ANKRD30B: variants seen among roughly 807,000 people sequenced by gnomAD.
ANKRD30B encodes the protein ankyrin repeat domain 30B, also known as ankyrin repeat domain-containing protein 30B.
In ANKRD30B, 144 loss-of-function variants were observed where a neutral mutation model predicts 202.2. The observed-to-expected ratio is 0.71, with a 90% confidence interval of 0.62 to 0.82. ANKRD30B has a LOEUF of 0.82. Ranked by LOEUF, ANKRD30B falls within the 40% of genes least tolerant of loss-of-function variation. The pLI, the probability that ANKRD30B is intolerant of heterozygous loss-of-function variation, is 0.00. For missense variants in ANKRD30B, 1,487 were observed against 1,669.1 expected (o/e 0.89, Z 1.90); for synonymous variants, 508 against 561.3 (o/e 0.91, Z 1.34).
chr18:14,763,711 T>C lies in ANKRD30B; in HGVS notation c.846T>C (p.Asp282=). Residue 282 remains aspartate (D), a synonymous_variant, in exon 7 of 44, where the codon GAT becomes GAC. Transcript: ENST00000690538. The part of the protein sequence containing the change: ...NPEGTSTGTP[D]EAAPLAERTP... ...AAGGAACATCTACAGGAACACCTGA[T>C]GAGGCTGCACCCTTGGCGGAAAGAA... The C allele has an allele frequency of 3.1e-6, 5 of 1,613,996 alleles. No homozygotes were observed. Among genetic ancestry groups the C allele is most frequent in the Non-Finnish European group, 4.2e-6 (5 of 1,179,982 alleles).
the ANKRD30B span, among the ~76,000 whole-genome samples, chr18:14,890,316 A>G: frequency 1.3e-5 from 2 of 152,014 alleles, no homozygotes; most frequent in African/African-American, 2.4e-5. Flanking sequence ...TGTAGAAAAT[A>G]TGTCTGTATC....
the ANKRD30B span, among the ~76,000 whole-genome samples, chr18:14,926,141 C>A: frequency 6.6e-6 from 1 of 152,120 alleles, no homozygotes; most frequent in African/African-American, 2.4e-5. Flanking sequence ...GTGATCTCTG[C>A]GGCAGTTGGA....
In ANKRD30B at chr18:14,791,496, G is replaced by C. The variant is rs779207148; in HGVS notation, c.1825+5G>C. 1.2e-5 allele frequency: 20 copies of C among 1,600,304 alleles called. No homozygotes were observed. In the South Asian group the frequency reaches 2.1e-4, roughly 17 times the overall value. On this transcript the variant is annotated splice_donor_5th_base_variant and intron_variant, in intron 16 of 43. Coordinates refer to ENST00000690538, the MANE Select transcript of ANKRD30B (RefSeq NM_001367607.2). ...CCTTAAGTGGAAAATTAGAAGGTAA[G>C]AACCATTTTTTAATTAAAAAGTCAT...
chr18:14,903,910 G>A, the ANKRD30B span, among the ~76,000 whole-genome samples: 1 of 152,196 alleles, frequency 6.6e-6, no homozygotes, highest in South Asian at 2.1e-4. Context: ...ATTAGGACCA[G>A]ATACCTGTGT....
intron 33 of ANKRD30B, among the ~76,000 whole-genome samples, chr18:14,829,419 G>T (rs555411804): frequency 2.5e-4 from 38 of 152,210 alleles, no homozygotes; most frequent in African/African-American, 9.1e-4. Context: ...AAGGAAAAGG[G>T]GATGGATCTG....
At chr18:14,815,906 T>C (rs1248100181) in intron 30 of ANKRD30B, among the ~76,000 whole-genome samples, 1 of 152,168 alleles carries the variant, frequency 6.6e-6, no homozygotes, top group Non-Finnish European at 1.5e-5. Flanking sequence ...CATACCGTTA[T>C]GCCATATGGG....
chr18:14,805,213 T>A (rs1215618767), intron 24 of ANKRD30B, among the ~76,000 whole-genome samples: 3 of 151,030 alleles, frequency 2.0e-5, no homozygotes, highest in African/African-American at 7.3e-5. Flanking sequence ...TAACATGATA[T>A]ACCAAACCAG....
chr18:14,926,124 C>T, the ANKRD30B span, among the ~76,000 whole-genome samples: 20 of 152,318 alleles, frequency 1.3e-4, no homozygotes, highest in African/African-American at 4.6e-4. Flanking sequence ...AGGAAGACCA[C>T]ATTTTGGTGA....
intron 39 of ANKRD30B, among the ~76,000 whole-genome samples, chr18:14,848,197 T>A (rs1402531139): frequency 1.3e-5 from 2 of 152,148 alleles, no homozygotes; most frequent in Non-Finnish European, 2.9e-5. Context: ...CTTTGCCTAA[T>A]GTCCACTGTC....
the ANKRD30B span, among the ~76,000 whole-genome samples, chr18:14,914,245 A>T: frequency 6.6e-6 from 1 of 152,218 alleles, no homozygotes; most frequent in African/African-American, 2.4e-5. Context: ...ACAGATTTAA[A>T]TAAAGGTGCT....
At chr18:14,815,284 G>A (rs1323656912) in intron 30 of ANKRD30B, among the ~76,000 whole-genome samples, 4 of 134,092 alleles carry the variant, frequency 3.0e-5, no homozygotes, top group Non-Finnish European at 4.7e-5. Flanking sequence ...TATATGCACG[G>A]CCACACATGT....
intron 30 of ANKRD30B, among the ~76,000 whole-genome samples, chr18:14,817,397 C>T (rs2144091430): frequency 6.6e-6 from 1 of 152,278 alleles, no homozygotes; most frequent in Non-Finnish European, 1.5e-5. Context: ...ATAACAAAGG[C>T]AGTATTCCCC....
At chr18:14,871,242 A>C in the ANKRD30B span, among the ~76,000 whole-genome samples, 1 of 56,440 alleles carries the variant, frequency 1.8e-5, no homozygotes, top group African/African-American at 7.1e-5. Flanking sequence ...CTCTAAACCT[A>C]CTGGGTGAGC....
chr18:14,881,561 T>G, the ANKRD30B span, among the ~76,000 whole-genome samples: 1 of 152,250 alleles, frequency 6.6e-6, no homozygotes, highest in Middle Eastern at 3.4e-3. Context: ...GTTATGTTCT[T>G]TCATGGTTTT....
intron 30 of ANKRD30B, among the ~76,000 whole-genome samples, chr18:14,818,702 T>C (rs1344136888): frequency 6.6e-6 from 1 of 152,146 alleles, no homozygotes; most frequent in Non-Finnish European, 1.5e-5. Context: ...CATCATTTTT[T>C]ATGGCTGCAT....
downstream of ANKRD30B, among the ~76,000 whole-genome samples, chr18:14,859,011 T>A (rs1195488301): frequency 5.3e-5 from 5 of 94,580 alleles, no homozygotes; most frequent in South Asian, 6.3e-4. Context: ...AAGGCGCTCC[T>A]CACCTCCCAG....
the ANKRD30B span, among the ~76,000 whole-genome samples, chr18:14,928,082 C>T: frequency 3.3e-5 from 5 of 152,106 alleles, no homozygotes; most frequent in African/African-American, 4.8e-5. Flanking sequence ...ATTCTCCTGC[C>T]TCAGCTTCCT....
the ANKRD30B span, among the ~76,000 whole-genome samples, chr18:14,887,165 A>G: frequency 1.3e-5 from 2 of 152,132 alleles, no homozygotes; most frequent in Non-Finnish European, 2.9e-5. Context: ...AGATCTGCCT[A>G]TGAAAGACTT....
chr18:14,767,903 CATGGATATTAT>C (rs1395649969), intron 7 of ANKRD30B, among the ~76,000 whole-genome samples: 1 of 152,104 alleles, frequency 6.6e-6, no homozygotes, highest in African/African-American at 2.4e-5. Flanking sequence ...AAATCAAAAC[CATGGATATTAT>C]ATTGTGAAAT....
Sources: allele counts gnomAD v4.1 joint callset (sites outside exome capture counted in the v4.1 genomes callset), GRCh38; gene constraint gnomAD v4.1.1; transcripts MANE v1.5; gene names NCBI Gene and HGNC (gene_info 2026-07-23, HGNC 2026-07-21).